NCAM2: variants seen among roughly 807,000 people sequenced by gnomAD.
NCAM2 encodes neural cell adhesion molecule 2, also known as N-CAM-2.
A neutral mutation model predicts 98.1 loss-of-function variants in NCAM2; 30 were observed. The observed-to-expected ratio is 0.31, with a 90% CI of 0.23 to 0.41. The LOEUF (loss-of-function observed/expected upper bound fraction) is 0.41. NCAM2 is among the 10% of genes least tolerant of loss of function. NCAM2 has a pLI of 1.00. For synonymous variants in NCAM2, 368 were observed against 342.4 expected, an observed-to-expected ratio of 1.07 and a Z score of -0.83; for missense variants, 867 against 1,005.8, an observed-to-expected ratio of 0.86 and a Z score of 1.87.
At chr21:21,031,500 T>C (rs1601147713) in intron 1 of NCAM2, among the ~76,000 whole-genome samples, 1 of 152,182 alleles carries the variant, frequency 6.6e-6, no homozygotes, top group African/African-American at 2.4e-5. Flanking sequence ...GCCTTCTGAT[T>C]TTATTGCCTG....
intron 14 of NCAM2, among the ~76,000 whole-genome samples, chr21:21,473,581 C>A (rs1303763258): frequency 6.6e-6 from 1 of 151,618 alleles, no homozygotes; most frequent in Admixed American, 6.6e-5. Context: ...ACATGAGAGT[C>A]AGAAGAATCA....
chr21:21,248,990 A>G (rs1162297033), intron 1 of NCAM2, among the ~76,000 whole-genome samples: 1 of 152,042 alleles, frequency 6.6e-6, no homozygotes, highest in Non-Finnish European at 1.5e-5. Context: ...CCTGGGTTAT[A>G]AAAATATCTT....
intron 1 of NCAM2, chr21:21,223,669 T>C (rs1481463365): frequency 1.3e-5 from 2 of 152,154 alleles, no homozygotes; most frequent in Admixed American, 6.6e-5. Flanking sequence ...ATGTGATATA[T>C]AGCAGATTTT....
chr21:21,262,773 T>C (rs1287028734), intron 1 of NCAM2, among the ~76,000 whole-genome samples: 1 of 149,574 alleles, frequency 6.7e-6, no homozygotes, highest in African/African-American at 2.5e-5. Context: ...ATTAACAAAA[T>C]AAAGATATTT....
intron 12 of NCAM2, among the ~76,000 whole-genome samples, chr21:21,445,322 G>C (rs1021900404): frequency 6.6e-6 from 1 of 152,164 alleles, no homozygotes; most frequent in Non-Finnish European, 1.5e-5. Context: ...GATTTGGGGT[G>C]AAGAGTTCTG....
chr21:21,194,155 A>G (rs1032848498), intron 1 of NCAM2, among the ~76,000 whole-genome samples: 3 of 152,222 alleles, frequency 2.0e-5, no homozygotes, highest in African/African-American at 7.2e-5. Context: ...GTACAGTTCC[A>G]TAATAGGACA....
At chr21:21,451,384 G>A (rs1179109913) in intron 12 of NCAM2, among the ~76,000 whole-genome samples, 1 of 151,994 alleles carries the variant, frequency 6.6e-6, no homozygotes, top group Non-Finnish European at 1.5e-5. Context: ...AGCTTTTCTG[G>A]GAAGTAATGT....
chr21:21,454,736 T>C (rs1182267651), intron 12 of NCAM2, among the ~76,000 whole-genome samples: 2 of 152,000 alleles, frequency 1.3e-5, no homozygotes, highest in African/African-American at 4.8e-5. Flanking sequence ...TAGGTCTGGC[T>C]AAATATAAGT....
rs562402608 is a variant in NCAM2, at chr21:21,291,301, A to C, written c.482-803A>C. On this transcript the variant is annotated intron_variant, in intron 4 of 17. Coordinates refer to ENST00000400546, the MANE Select transcript of NCAM2 (RefSeq NM_004540.5). Reference sequence around the variant, plus strand: ...ATGTAAAAGCATTCTTTGAATGATAAGGAGAGAAAAGGTTTTAGCATGGCA... The same window carrying C: ...ATGTAAAAGCATTCTTTGAATGATACGGAGAGAAAAGGTTTTAGCATGGCA... Among the ~76,000 whole-genome samples the C allele has an allele frequency of 1.6e-4, 25 of 152,006 alleles. No homozygotes were observed. In the East Asian group the frequency reaches 4.7e-3, roughly 28 times the overall value.
At chr21:21,043,889 G>A (rs2064957962) in intron 1 of NCAM2, among the ~76,000 whole-genome samples, 1 of 150,274 alleles carries the variant, frequency 6.7e-6, no homozygotes, top group Non-Finnish European at 1.5e-5. Flanking sequence ...GTAGATATGT[G>A]AATCTTTCTT....
At chr21:21,309,962 A>G (rs942449358) in intron 5 of NCAM2, among the ~76,000 whole-genome samples, 1 of 152,200 alleles carries the variant, frequency 6.6e-6, no homozygotes, top group Non-Finnish European at 1.5e-5. Context: ...TGCTAAGATA[A>G]ATTGGGTATA....
At chr21:21,026,625 C>CA (rs34401480) in intron 1 of NCAM2, among the ~76,000 whole-genome samples, 48,236 of 141,396 alleles carry the variant, frequency 0.34, 8,382 homozygotes, top group Non-Finnish European at 0.4. Flanking sequence ...AACTCCGTCT[C>CA]AAAAAAAAAA....
At chr21:21,125,864 A>T (rs558041051) in intron 1 of NCAM2, among the ~76,000 whole-genome samples, 19 of 151,556 alleles carry the variant, frequency 1.3e-4, no homozygotes, top group Non-Finnish European at 2.5e-4. Context: ...TTCATTTTCC[A>T]TTCATTTTCA....
chr21:21,380,355 G>A (rs1242947300), intron 9 of NCAM2, among the ~76,000 whole-genome samples: 2 of 152,118 alleles, frequency 1.3e-5, no homozygotes, highest in African/African-American at 4.8e-5. Flanking sequence ...CTTACAATGA[G>A]ACACATAAAC....
At chr21:21,265,906 A>C (rs774329299) in intron 1 of NCAM2, among the ~76,000 whole-genome samples, 8 of 152,076 alleles carry the variant, frequency 5.3e-5, no homozygotes, top group Non-Finnish European at 1.0e-4. Flanking sequence ...ATCTATAATA[A>C]AAAATTATAG....
chr21:21,409,716 A>C (rs1338247459), intron 9 of NCAM2, among the ~76,000 whole-genome samples: 1 of 152,210 alleles, frequency 6.6e-6, no homozygotes, highest in Non-Finnish European at 1.5e-5. Context: ...CTTATATTTT[A>C]ATAATTGGTA....
chr21:21,055,413 C>T (rs1447390716), intron 1 of NCAM2, among the ~76,000 whole-genome samples: 2 of 151,984 alleles, frequency 1.3e-5, no homozygotes, highest in East Asian at 1.9e-4. Flanking sequence ...AAATAACAAA[C>T]AGAAAACTAC....
intron 3 of NCAM2, 104 bp from the exon 4 acceptor site, chr21:21,286,165 T>A: frequency 2.4e-6 from 3 of 1,228,512 alleles, no homozygotes; most frequent in Non-Finnish European, 3.3e-6. Context: ...TCCCTAATTA[T>A]TTTATTATAG....
intron 1 of NCAM2, among the ~76,000 whole-genome samples, chr21:21,110,626 A>T (rs547753023): frequency 1.3e-5 from 2 of 150,922 alleles, no homozygotes; most frequent in South Asian, 4.2e-4. Flanking sequence ...TTTTCATGAG[A>T]CTACCAGGGA....
Sources: gnomAD v4.1 joint callset for allele counts (sites outside exome capture counted in the v4.1 genomes callset) on GRCh38, gnomAD v4.1.1 for gene constraint, MANE v1.5 for transcripts, NCBI Gene and HGNC (gene_info 2026-07-23, HGNC 2026-07-21) for gene names.